MGAT4C: variants seen among roughly 807,000 people sequenced by gnomAD.
MGAT4C encodes the protein MGAT4 family member C, also known as alpha-1,3-mannosyl-glycoprotein 4-beta-N-acetylglucosaminyltransferase C.
A neutral mutation model predicts 40.1 loss-of-function variants in MGAT4C; 19 were observed. That is an observed-to-expected ratio of 0.47 (90% CI 0.33 to 0.70). The LOEUF is 0.70. Among genes scored for constraint, MGAT4C ranks in the 30% least tolerant of loss-of-function variants. MGAT4C has a pLI of 0.02. For synonymous variants in MGAT4C, 181 were observed against 187.1 expected, an observed-to-expected ratio of 0.97 and a Z score of 0.27; for missense variants, 491 against 563.2, an observed-to-expected ratio of 0.87 and a Z score of 1.30.
chr12:86,736,237 C>T (rs1950983847), intron 1 of MGAT4C, among the ~76,000 whole-genome samples: 2 of 151,772 alleles, frequency 1.3e-5, no homozygotes, highest in African/African-American at 2.4e-5. Context: ...ACACTGTTGG[C>T]TTACTAACAA....
At chr12:86,790,733 G>A (rs1254276899) in intron 1 of MGAT4C, among the ~76,000 whole-genome samples, 1 of 151,890 alleles carries the variant, frequency 6.6e-6, no homozygotes, top group Non-Finnish European at 1.5e-5. Flanking sequence ...TCTGTACAAA[G>A]GCCCCATTAT....
At chr12:86,613,466 C>A (rs931201425) in intron 2 of MGAT4C, among the ~76,000 whole-genome samples, 5 of 152,228 alleles carry the variant, frequency 3.3e-5, no homozygotes, top group African/African-American at 1.2e-4. Flanking sequence ...TGCCCTGAGG[C>A]TGTTGTATAC....
At chr12:86,833,029 T>C (rs557151055) in intron 1 of MGAT4C, among the ~76,000 whole-genome samples, 2 of 151,896 alleles carry the variant, frequency 1.3e-5, no homozygotes, top group South Asian at 4.1e-4. Context: ...ATTGAGATTG[T>C]CGGATGTACA....
chr12:86,645,966 C>A (rs1963530990), intron 2 of MGAT4C, among the ~76,000 whole-genome samples: 1 of 151,708 alleles, frequency 6.6e-6, no homozygotes, highest in African/African-American at 2.4e-5. Flanking sequence ...AGTATTGTTC[C>A]AATCAGTTTT....
intron 1 of MGAT4C, among the ~76,000 whole-genome samples, chr12:86,098,554 T>A (rs937047217): frequency 2.0e-5 from 3 of 151,616 alleles, no homozygotes; most frequent in African/African-American, 7.2e-5. Flanking sequence ...AGGTAGAAAC[T>A]ATATATTAGA....
chr12:86,088,171 T>C (rs1193680275), intron 1 of MGAT4C, among the ~76,000 whole-genome samples: 2 of 152,036 alleles, frequency 1.3e-5, no homozygotes, highest in African/African-American at 4.8e-5. Flanking sequence ...GCTAGCCACA[T>C]GTAGAAGACT....
chr12:86,163,911 A>G (rs1287419113), intron 1 of MGAT4C, among the ~76,000 whole-genome samples: 3 of 152,190 alleles, frequency 2.0e-5, no homozygotes, highest in Non-Finnish European at 4.4e-5. Context: ...TTATTGTAAA[A>G]GACATATATG....
intron 1 of MGAT4C, among the ~76,000 whole-genome samples, chr12:86,184,081 T>TTCACTAA (rs1888439243): frequency 6.6e-6 from 1 of 152,228 alleles, no homozygotes; most frequent in Non-Finnish European, 1.5e-5. Flanking sequence ...CTTTTCACCA[T>TTCACTAA]TCACTAATCA....
At chr12:86,548,673 C>A (rs1431790282) in intron 2 of MGAT4C, among the ~76,000 whole-genome samples, 1 of 152,080 alleles carries the variant, frequency 6.6e-6, no homozygotes, top group African/African-American at 2.4e-5. Context: ...GAGTTTGTTT[C>A]AAATCCCAGC....
chr12:86,295,191 A>G (rs1053419485), intron 4 of MGAT4C, among the ~76,000 whole-genome samples: 1 of 152,236 alleles, frequency 6.6e-6, no homozygotes, highest in Admixed American at 6.5e-5. Flanking sequence ...TAAATAGTAT[A>G]CATATTTCAT....
chr12:86,240,257 A>G (rs920833854), intron 1 of MGAT4C, among the ~76,000 whole-genome samples: 6 of 151,596 alleles, frequency 4.0e-5, no homozygotes, highest in African/African-American at 1.2e-4. Context: ...AGAGTTACAC[A>G]GTGAAAAGCA....
At chr12:86,468,124 T>A (rs61949533) in intron 2 of MGAT4C, among the ~76,000 whole-genome samples, 15,746 of 152,062 alleles carry the variant, frequency 0.1, 1,026 homozygotes, top group Middle Eastern at 0.25. Context: ...CCTACTGTCT[T>A]CTTGGCTTTT....
intron 1 of MGAT4C, among the ~76,000 whole-genome samples, chr12:86,119,774 G>A (rs1262377510): frequency 6.8e-6 from 1 of 147,724 alleles, no homozygotes; most frequent in East Asian, 2.0e-4. Context: ...ATATTGCCAC[G>A]GCTGAACTCA....
intron 4 of MGAT4C, among the ~76,000 whole-genome samples, chr12:86,274,294 T>G (rs976878687): frequency 6.6e-5 from 10 of 152,082 alleles, no homozygotes; most frequent in African/African-American, 1.9e-4. Flanking sequence ...AAATTTGACA[T>G]GAGATTTGGG....
chr12:86,225,932 G>C (rs1272003582), intron 1 of MGAT4C, among the ~76,000 whole-genome samples: 1 of 151,950 alleles, frequency 6.6e-6, no homozygotes, highest in Admixed American at 6.6e-5. Context: ...AGTAGTGGAA[G>C]TCCTAGCCAA....
At chr12:86,336,080 G>A (rs1015312412) in intron 3 of MGAT4C, among the ~76,000 whole-genome samples, 3 of 152,000 alleles carry the variant, frequency 2.0e-5, no homozygotes, top group African/African-American at 7.2e-5. Flanking sequence ...CCACCTCCCT[G>A]GCATAGATTA....
chr12:86,573,094 T>C (rs1347063332), intron 2 of MGAT4C, among the ~76,000 whole-genome samples: 2 of 152,042 alleles, frequency 1.3e-5, no homozygotes, highest in Admixed American at 6.6e-5. Context: ...CAGTCACCTG[T>C]TACTTCGACA....
chr12:85,983,095 G>A (rs1380468225), intron 4 of MGAT4C, among the ~76,000 whole-genome samples: 2 of 142,728 alleles, frequency 1.4e-5, no homozygotes, highest in Non-Finnish European at 3.2e-5. Flanking sequence ...TCACTTTGTG[G>A]TAATTCGTTA....
intron 2 of MGAT4C, among the ~76,000 whole-genome samples, chr12:86,041,524 G>C (rs888218987): frequency 1.3e-5 from 2 of 152,038 alleles, no homozygotes; most frequent in Non-Finnish European, 2.9e-5. Flanking sequence ...TTGTATCTTT[G>C]TTCTCATAAG....
Sources: allele counts gnomAD v4.1 joint callset (sites outside exome capture counted in the v4.1 genomes callset), GRCh38; gene constraint gnomAD v4.1.1; transcripts MANE v1.5; gene names NCBI Gene and HGNC (gene_info 2026-07-23, HGNC 2026-07-21).